KHDC1: variants seen among roughly 807,000 people sequenced by gnomAD.
The protein encoded by KHDC1 is KH domain containing 1.
Under a neutral mutation model 24.7 loss-of-function variants are expected in KHDC1, and 21 were observed. That is an observed-to-expected ratio of 0.85 (90% confidence interval 0.60 to 1.23). KHDC1 has a LOEUF of 1.23. KHDC1 is among the 50% of genes most tolerant of loss of function. KHDC1 has a pLI of 0.00. For synonymous variants in KHDC1, 98 were observed against 111.7 expected, an observed-to-expected ratio of 0.88 and a Z score of 0.77; for missense variants, 274 against 298.5, an observed-to-expected ratio of 0.92 and a Z score of 0.61.
chr6:73,248,836 C>A (rs763480811), intron 2 of KHDC1, among the ~76,000 whole-genome samples: 3 of 151,068 alleles, frequency 2.0e-5, no homozygotes, highest in Non-Finnish European at 4.4e-5. Flanking sequence ...TTTGGTATTG[C>A]GTATCAGTGT....
chr6:73,295,907 C>T (rs1166037813), intron 1 of KHDC1, among the ~76,000 whole-genome samples: 2 of 151,674 alleles, frequency 1.3e-5, no homozygotes, highest in Non-Finnish European at 2.9e-5. Context: ...TCTGGGAGGC[C>T]GAGGTGGGTG....
chr6:73,310,213 G>A (rs770670975), exon 1 of KHDC1: 40 of 157,122 alleles, frequency 2.5e-4, no homozygotes, highest in Non-Finnish European at 5.3e-4. Context: ...CGCCTCTTCC[G>A]CCGCTCGCTC....
At chr6:73,282,216 TAAA>T (rs34726760) in intron 2 of KHDC1, among the ~76,000 whole-genome samples, 3 of 96,758 alleles carry the variant, frequency 3.1e-5, no homozygotes, top group African/African-American at 3.5e-5. Flanking sequence ...AGACTCTGTC[TAAA>T]AAAAAAAAAA....
chr6:73,309,638 A>C, exon 1 of KHDC1: 1 of 1,550,042 alleles, frequency 6.5e-7, no homozygotes, highest in Non-Finnish European at 8.7e-7. Context: ...TCCATAAATG[A>C]AGATCAGGAC....
intron 2 of KHDC1, chr6:73,276,130 G>T (rs1263513913): frequency 6.6e-6 from 1 of 151,868 alleles, no homozygotes; most frequent in African/African-American, 2.4e-5. Context: ...GGAGGAGGTT[G>T]CAGTGAGCAG....
chr6:73,257,287 G>A (rs754298297), intron 2 of KHDC1, among the ~76,000 whole-genome samples: 7 of 152,086 alleles, frequency 4.6e-5, no homozygotes, highest in Non-Finnish European at 1.0e-4. Flanking sequence ...GGTAGAGTTC[G>A]TCTCAAAAGA....
chr6:73,261,618 CA>C (rs112743958), intron 2 of KHDC1, among the ~76,000 whole-genome samples: 69 of 141,074 alleles, frequency 4.9e-4, no homozygotes, highest in Non-Finnish European at 4.5e-4. Context: ...AAAAAAATAC[CA>C]AAAAAAAAAA....
intron 2 of KHDC1, chr6:73,291,483 A>C (rs10455272): frequency 0.073 from 12,563 of 171,312 alleles, 555 homozygotes; most frequent in Non-Finnish European, 0.086. Context: ...AGTCTAAATT[A>C]TCCACTTTTT....
chr6:73,257,286 C>T (rs1430059733), intron 2 of KHDC1, among the ~76,000 whole-genome samples: 1 of 152,012 alleles, frequency 6.6e-6, no homozygotes, highest in Admixed American at 6.6e-5. Context: ...GGGTAGAGTT[C>T]GTCTCAAAAG....
At chr6:73,277,990 CTCTCT>C in intron 2 of KHDC1, among the ~76,000 whole-genome samples, 1 of 73,354 alleles carries the variant, frequency 1.4e-5, no homozygotes, top group Non-Finnish European at 2.5e-5. Context: ...TAGATGCTTT[CTCTCT>C]CTCTCTCTCG....
At chr6:73,294,525 T>C (rs965846573) in intron 1 of KHDC1, among the ~76,000 whole-genome samples, 1 of 152,218 alleles carries the variant, frequency 6.6e-6, no homozygotes, top group Non-Finnish European at 1.5e-5. Context: ...TTATTCTTTG[T>C]TATGTGCCAA....
At chr6:73,291,504 T>G (rs1767650115) in intron 2 of KHDC1, among the ~76,000 whole-genome samples, 1 of 152,162 alleles carries the variant, frequency 6.6e-6, no homozygotes, top group Non-Finnish European at 1.5e-5. Context: ...TTTTTAATTC[T>G]TCGTAGAGAT....
At chr6:73,257,331 G>C (rs1766896806) in intron 2 of KHDC1, among the ~76,000 whole-genome samples, 2 of 152,186 alleles carry the variant, frequency 1.3e-5, no homozygotes, top group South Asian at 4.1e-4. Flanking sequence ...GCCTTCCTTA[G>C]GAATTTGGTT....
chr6:73,289,347 AAAAAAAAAAAAAG>A (rs1356326246), intron 2 of KHDC1, among the ~76,000 whole-genome samples: 5 of 147,174 alleles, frequency 3.4e-5, no homozygotes, highest in African/African-American at 7.5e-5. Context: ...AAAAAAAAAA[AAAAAAAAAAAAAG>A]AATAAAATCT....
At chr6:73,298,001 G>A (rs746482047) in intron 1 of KHDC1, among the ~76,000 whole-genome samples, 3 of 152,040 alleles carry the variant, frequency 2.0e-5, no homozygotes, top group East Asian at 1.9e-4. Context: ...GACCAGCCTC[G>A]CCAACATGGT....
At chr6:73,261,720 T>C (rs1766983824) in intron 2 of KHDC1, among the ~76,000 whole-genome samples, 2 of 151,920 alleles carry the variant, frequency 1.3e-5, no homozygotes, top group Middle Eastern at 3.4e-3. Context: ...GAAACCAGCC[T>C]GGCCAAGGTG....
intron 2 of KHDC1, among the ~76,000 whole-genome samples, chr6:73,289,304 G>T (rs1234925011): frequency 7.5e-6 from 1 of 133,194 alleles, no homozygotes; most frequent in Non-Finnish European, 1.6e-5. Flanking sequence ...ACTGCACTCC[G>T]GCCTGGGCGA....
exon 1 of KHDC1, chr6:73,309,797 G>C: frequency 1.4e-6 from 2 of 1,481,054 alleles, no homozygotes; most frequent in East Asian, 4.9e-5. Context: ...GCCCGCCGGC[G>C]GGAAGAGACC....
intron 2 of KHDC1, among the ~76,000 whole-genome samples, chr6:73,243,748 G>C (rs1432025036): frequency 2.6e-5 from 4 of 152,226 alleles, no homozygotes; most frequent in Non-Finnish European, 4.4e-5. Context: ...TGTTCTGCCT[G>C]AGCAGTAATG....
Sources: gnomAD v4.1 joint callset for allele counts (sites outside exome capture counted in the v4.1 genomes callset) on GRCh38, gnomAD v4.1.1 for gene constraint, MANE v1.5 for transcripts, NCBI Gene and HGNC (gene_info 2026-07-23, HGNC 2026-07-21) for gene names.